Variants in USP6NL observed in about 807,000 individuals in gnomAD.
USP6NL encodes the protein USP6 N-terminal-like protein.
A neutral mutation model predicts 61.9 loss-of-function variants in USP6NL; 26 were observed. That is an observed-to-expected ratio of 0.42 (90% CI 0.31 to 0.58). The LOEUF (loss-of-function observed/expected upper bound fraction) is 0.58, where lower values mean the gene tolerates loss of function less well. Among genes scored for constraint, USP6NL ranks in the 20% least tolerant of loss-of-function variants. The probability of loss-of-function intolerance (pLI) is 0.16; values close to 1 mark genes in which losing one functional copy is unlikely to be tolerated. For missense variants in USP6NL, 1,114 were observed against 1,034.3 expected, an observed-to-expected ratio of 1.08 and a Z score of -1.06; for synonymous variants, 432 against 390.1, an observed-to-expected ratio of 1.11 and a Z score of -1.27.
intron 2 of USP6NL, among the ~76,000 whole-genome samples, chr10:11,560,025 T>TA (rs951878464): frequency 6.6e-6 from 1 of 152,174 alleles, no homozygotes. Flanking sequence ...AAGATTTTTT[T>TA]AAAAAATCTT....
chr10:11,503,619 C>T (rs1336571765), intron 6 of USP6NL, among the ~76,000 whole-genome samples: 2 of 152,150 alleles, frequency 1.3e-5, no homozygotes, highest in African/African-American at 4.8e-5. Context: ...TGAGCATTTA[C>T]CATGCACAAG....
chr10:11,582,174 C>T (rs1301977968), intron 2 of USP6NL, among the ~76,000 whole-genome samples: 3 of 152,242 alleles, frequency 2.0e-5, no homozygotes, highest in African/African-American at 7.2e-5. Flanking sequence ...CCATGTTGGG[C>T]AGGCTGGTGT....
chr10:11,531,344 A>C (rs1835648879), intron 2 of USP6NL, among the ~76,000 whole-genome samples: 1 of 151,952 alleles, frequency 6.6e-6, no homozygotes, highest in Non-Finnish European at 1.5e-5. Flanking sequence ...TCTTTTTGAG[A>C]CCGAGTCTCA....
chr10:11,570,512 A>G (rs544342637), intron 2 of USP6NL, among the ~76,000 whole-genome samples: 1 of 152,306 alleles, frequency 6.6e-6, no homozygotes, highest in Non-Finnish European at 1.5e-5. Flanking sequence ...AATTTTAATA[A>G]CCTTGGTCGT....
Position 11,575,958 on chromosome 10 carries a change from A to G in USP6NL, c.4+21673T>C, listed in dbSNP as rs1209400818. 6.6e-6 allele frequency among the ~76,000 whole-genome samples: 1 copy of G among 152,156 alleles called. No individual in the cohort carries two copies. The highest frequency in any genetic ancestry group is 2.4e-5 in the African/African-American group (1 of 41,434). ...AAGAGGTGAAATTTGAATATAGTCT[A>G]TAGATTCATCAGTTAATTTCCTAAC... On this transcript the variant is annotated intron_variant, in intron 2 of 14. Transcript: ENST00000609104. This position sits in a 1 kb window ranked among gnomAD's most constrained non-coding sequence, Gnocchi z 4.2.
At chr10:11,507,562 A>C (rs1834505745) in intron 6 of USP6NL, among the ~76,000 whole-genome samples, 1 of 152,246 alleles carries the variant, frequency 6.6e-6, no homozygotes. Context: ...GCTCTGTAAG[A>C]TACCCATGTC....
rs1053703649 is a variant in USP6NL, at chr10:11,520,249, A to C, written c.156-1675T>G. Among the ~76,000 whole-genome samples, 2 of 152,206 alleles carry C rather than the reference A, an allele frequency of 1.3e-5. No homozygotes were observed. Among genetic ancestry groups the C allele is most frequent in the Non-Finnish European group, 1.5e-5 (1 of 68,042 alleles). On this transcript the variant is annotated intron_variant, in intron 4 of 14. Transcript: ENST00000609104. The surrounding 1 kb of genome is among the most constrained non-coding windows in gnomAD (Gnocchi z 5.2). ...CAAGAAGAAACGAAACTGGTTACAA[A>C]TAAAAAAGTCTTCAGACCTCATAGA...
chr10:11,463,422 G>T lies in USP6NL; in HGVS notation c.1506C>A (p.Tyr502Ter). The T allele has an allele frequency of 6.2e-7, 1 of 1,614,060 alleles. No homozygotes were observed. The highest frequency in any genetic ancestry group is 8.5e-7 in the Non-Finnish European group (1 of 1,179,898). The change falls in exon 15 of 15, where the codon TAC (tyrosine) becomes TAA (stop). Residue 502 changes from tyrosine to a stop codon, truncating the protein, a stop_gained. Transcript: ENST00000609104. LOFTEE classifies it low-confidence loss of function (END_TRUNC). The surrounding 1 kb of genome is among the most constrained non-coding windows in gnomAD (Gnocchi z 6.3). ...DVSATERTAK[Y>*]TMEGKGRAAH... The stretch of plus-strand genomic sequence containing the variant: ...CTGCTCGACCTTTGCCTTCCATGGT[G>T]TATTTGGCAGTTCTCTCTGTAGCTG...
intron 2 of USP6NL, among the ~76,000 whole-genome samples, chr10:11,582,214 A>C (rs1837798669): frequency 2.0e-5 from 3 of 152,126 alleles, no homozygotes; most frequent in African/African-American, 7.2e-5. Flanking sequence ...GATCTGCCCA[A>C]CTGGGCCTCC....
At chr10:11,524,897 CCT>C (rs1390449687) in intron 4 of USP6NL, among the ~76,000 whole-genome samples, 8 of 152,032 alleles carry the variant, frequency 5.3e-5, no homozygotes, top group Non-Finnish European at 2.9e-5. Context: ...GTGATCTAGA[CCT>C]CTCTCTTTAT....
chr10:11,466,182 A>C (rs1304555176), intron 14 of USP6NL, among the ~76,000 whole-genome samples: 1 of 152,226 alleles, frequency 6.6e-6, no homozygotes. Flanking sequence ...CTAGACACTC[A>C]GCTATCACTA....
chr10:11,506,814 T>C lies in USP6NL; in HGVS notation c.276+2781A>G, dbSNP rs549614192. Among the ~76,000 whole-genome samples, 3 of 152,164 alleles carry C rather than the reference T, an allele frequency of 2.0e-5. No individual in the cohort carries two copies. The South Asian group carries it at 6.2e-4, about 32-fold the overall frequency. On this transcript the variant is annotated intron_variant, in intron 6 of 14. Transcript: ENST00000609104. Reference sequence around the variant, plus strand: ...CAGGGCTATATTTTTATTTCAAATATTTTTAGAATTTCTCTGTATTACTAC... The same window carrying C: ...CAGGGCTATATTTTTATTTCAAATACTTTTAGAATTTCTCTGTATTACTAC...
chr10:11,504,214 T>C (rs1045007605), intron 6 of USP6NL, among the ~76,000 whole-genome samples: 7 of 152,316 alleles, frequency 4.6e-5, no homozygotes, highest in African/African-American at 1.7e-4. Context: ...GACTAACTTA[T>C]TACAGTTACA....
At chr10:11,546,039 A>G (rs1205844702) in intron 2 of USP6NL, among the ~76,000 whole-genome samples, 9 of 152,262 alleles carry the variant, frequency 5.9e-5, no homozygotes, top group African/African-American at 2.2e-4. Context: ...TTTTAATACC[A>G]TTGATCTGGT....
chr10:11,532,342 AAGGCAG>A lies in USP6NL; in HGVS notation c.5-4781_5-4776del, dbSNP rs1305760360. The A allele has an allele frequency of 1.7e-5, 15 of 858,508 alleles. No homozygotes were observed. Among genetic ancestry groups the A allele is most frequent in the Non-Finnish European group, 2.6e-5 (15 of 576,782 alleles). 53.2% of individuals were successfully genotyped at this position (858,508 alleles called of 1,614,324 possible). A position where few individuals can be genotyped will look rare whatever the true frequency, so the allele number is the denominator to read the frequency against. On this transcript the variant is annotated intron_variant, in intron 2 of 14. Transcript: ENST00000609104. The surrounding 1 kb of genome is among the most constrained non-coding windows in gnomAD (Gnocchi z 4.1). Reference sequence around the variant, plus strand: ...ATTCTGCAACTAACTAAAACAAAGAAAGGCAGAGGCAGCTCTACTTTAAACTATCTG... The same window carrying A: ...ATTCTGCAACTAACTAAAACAAAGAAAGGCAGCTCTACTTTAAACTATCTG...
Position 11,600,619 on chromosome 10 carries a change from T to C in USP6NL, c.-83-2902A>G, listed in dbSNP as rs530378295. On this transcript the variant is annotated intron_variant, in intron 1 of 14. Transcript: ENST00000609104. This position sits in a 1 kb window ranked among gnomAD's most constrained non-coding sequence, Gnocchi z 4.1. ...GACTATTTTAAAAGTCTAGCCATAT[T>C]TCATAAGAAATACACCTAAATCAGC... is the stretch of plus-strand genomic sequence containing the variant. Among the ~76,000 whole-genome samples, 1 of 152,330 alleles carries C rather than the reference T, an allele frequency of 6.6e-6. No individual in the cohort carries two copies. The highest frequency in any genetic ancestry group is 6.5e-5 in the Admixed American group (1 of 15,302).
rs950174884 is a variant in USP6NL at position 11,476,016 on chromosome 10, A to G, written c.1078+5754T>C. 2.0e-5 allele frequency among the ~76,000 whole-genome samples: 3 copies of G among 152,206 alleles called. No homozygotes were observed. The highest frequency in any genetic ancestry group is 7.2e-5 in the African/African-American group (3 of 41,456). ...CTGAGTGTGCGACATTCCACAGAAT[A>G]GTGGGACTGTGCTCTTCAGCAGCTC... is the stretch of plus-strand genomic sequence containing the variant. On this transcript the variant is annotated intron_variant, in intron 14 of 14. Transcript: ENST00000609104. This position sits in a 1 kb window ranked among gnomAD's most constrained non-coding sequence, Gnocchi z 4.3.
intron 1 of USP6NL, among the ~76,000 whole-genome samples, chr10:11,605,415 A>G (rs549432544): frequency 6.6e-6 from 1 of 152,352 alleles, no homozygotes; most frequent in South Asian, 2.1e-4. Flanking sequence ...GTGTCTGGCA[A>G]AAGCAATGAA....
chr10:11,481,858 A>G lies in USP6NL; in HGVS notation c.990T>C (p.Asp330=). Residue 330 remains aspartate (D), a synonymous_variant, in exon 14 of 15, where the codon GAT becomes GAC. Transcript: ENST00000609104. The surrounding 1 kb of genome is among the most constrained non-coding windows in gnomAD (Gnocchi z 4.4). ...TCACAAAATCATCTTCAAAGAAAAA[A>G]TCCTTTGCCAGGGTCTCCTGAAAAA... ...VEFFQETLAK[D]FFFEDDFVIE... 1 of 1,613,022 alleles carries G rather than the reference A, an allele frequency of 6.2e-7. No individual in the cohort carries two copies. The highest frequency in any genetic ancestry group is 8.5e-7 in the Non-Finnish European group (1 of 1,179,464).
Sources: allele counts gnomAD v4.1 joint callset (sites outside exome capture counted in the v4.1 genomes callset), GRCh38; gene constraint gnomAD v4.1.1; non-coding constraint Gnocchi (gnomAD v3.1); transcripts MANE v1.5; gene names NCBI Gene and HGNC (gene_info 2026-07-23, HGNC 2026-07-21).